Variants in SLC4A4 observed in about 807,000 individuals in gnomAD.
SLC4A4 encodes solute carrier family 4 member 4.
Under a neutral mutation model 111.5 loss-of-function variants are expected in SLC4A4, and 27 were observed. That is an observed-to-expected ratio of 0.24 (90% CI 0.18 to 0.33). SLC4A4 has a LOEUF of 0.33. SLC4A4 is among the 10% of genes least tolerant of loss of function. SLC4A4 has a pLI of 1.00. For synonymous variants in SLC4A4, 443 were observed against 463.4 expected (o/e 0.96, Z 0.57); for missense variants, 909 against 1,315.5 (o/e 0.69, Z 4.78).
intron 1 of SLC4A4, among the ~76,000 whole-genome samples, chr4:71,203,842 A>G (rs1421555791): frequency 6.6e-6 from 1 of 152,194 alleles, no homozygotes; most frequent in Non-Finnish European, 1.5e-5. Context: ...CTTAAATGAT[A>G]ACTAGTTAGT....
At chr4:71,312,449 A>T (rs563999492) in intron 3 of SLC4A4, among the ~76,000 whole-genome samples, 1 of 152,270 alleles carries the variant, frequency 6.6e-6, no homozygotes, top group Admixed American at 6.5e-5. Context: ...TGATTCGAAA[A>T]CCTGGCAGAG....
chr4:71,280,872 A>G (rs1361311448), intron 3 of SLC4A4, among the ~76,000 whole-genome samples: 3 of 152,152 alleles, frequency 2.0e-5, no homozygotes, highest in Non-Finnish European at 2.9e-5. Flanking sequence ...TATTTTTAAC[A>G]TTTATTTTTC....
chr4:71,379,563 C>A (rs56852336), intron 6 of SLC4A4, among the ~76,000 whole-genome samples: 7,625 of 152,112 alleles, frequency 0.05, 419 homozygotes, highest in East Asian at 0.13. Flanking sequence ...CTCATAACCC[C>A]AACCCCCTTC....
At chr4:71,386,704 A>G (rs1718755657) in intron 6 of SLC4A4, among the ~76,000 whole-genome samples, 1 of 151,894 alleles carries the variant, frequency 6.6e-6, no homozygotes, top group Non-Finnish European at 1.5e-5. Context: ...TGTTTTGTGG[A>G]TACAGTATCT....
In SLC4A4 at chr4:71,555,181, G is replaced by A. The variant is rs1560617287; in HGVS notation, c.2736G>A (p.Met912Ile). 1.2e-6 allele frequency: 2 copies of A among 1,610,092 alleles called. No homozygotes were observed. The highest frequency in any genetic ancestry group is 2.2e-5 in the East Asian group (1 of 44,682). ...MPVLYGVFLY[M>I]GVASLNGVQF... ...TACTCTATGGTGTGTTCCTGTATAT[G>A]GGAGTAGCATCCCTTAATGGTGTGC... The change falls in exon 21 of 26, where the codon ATG (methionine) becomes ATA (isoleucine). Residue 912 changes from methionine (M) to isoleucine (I), a missense_variant. Transcript: ENST00000264485.
intron 2 of SLC4A4, among the ~76,000 whole-genome samples, chr4:71,173,354 C>A (rs114458157): frequency 0.018 from 2,677 of 152,104 alleles, 81 homozygotes; most frequent in African/African-American, 0.06. Flanking sequence ...GTGTGGATGT[C>A]CCCAACAATT....
chr4:71,065,058 TA>T (rs1000065069), intron 1 of SLC4A4, among the ~76,000 whole-genome samples: 2 of 152,186 alleles, frequency 1.3e-5, no homozygotes, highest in African/African-American at 4.8e-5. Flanking sequence ...AACCTTTGAA[TA>T]TTTTTTGAAT....
chr4:71,282,437 C>T (rs1723596373), intron 3 of SLC4A4, among the ~76,000 whole-genome samples: 1 of 151,934 alleles, frequency 6.6e-6, no homozygotes, highest in Non-Finnish European at 1.5e-5. Context: ...AGGCATGCTC[C>T]ACCATGCCCG....
chr4:71,535,502 G>A (rs1158679478), intron 18 of SLC4A4, among the ~76,000 whole-genome samples: 4 of 152,132 alleles, frequency 2.6e-5, no homozygotes, highest in Admixed American at 2.0e-4. Flanking sequence ...GAGTTTGGAA[G>A]GAGAGAAAGC....
At chr4:71,158,975 C>T (rs1019593654) in intron 2 of SLC4A4, among the ~76,000 whole-genome samples, 17 of 152,056 alleles carry the variant, frequency 1.1e-4, no homozygotes, top group Admixed American at 5.9e-4. Context: ...GGGTGGATTT[C>T]GCAGTACTTC....
intron 2 of SLC4A4, among the ~76,000 whole-genome samples, chr4:71,149,790 T>C (rs2148971292): frequency 6.6e-6 from 1 of 152,288 alleles, no homozygotes; most frequent in Non-Finnish European, 1.5e-5. Context: ...GCTTTTCTGT[T>C]CTTATCACCA....
At chr4:71,291,737 C>T (rs536033038) in intron 3 of SLC4A4, among the ~76,000 whole-genome samples, 1 of 152,288 alleles carries the variant, frequency 6.6e-6, no homozygotes, top group East Asian at 1.9e-4. Flanking sequence ...ATGCAATTCT[C>T]AAGTTGTTAT....
chr4:71,116,868 G>C (rs888894558), intron 2 of SLC4A4, among the ~76,000 whole-genome samples: 1 of 152,008 alleles, frequency 6.6e-6, no homozygotes, highest in Non-Finnish European at 1.5e-5. Flanking sequence ...GCTTGAACCC[G>C]GGAGGCGGAG....
chr4:71,122,428 C>G (rs1033118378), intron 2 of SLC4A4, among the ~76,000 whole-genome samples: 2 of 151,826 alleles, frequency 1.3e-5, no homozygotes, highest in African/African-American at 4.8e-5. Context: ...TCAACAAAAT[C>G]TTGGAATCAG....
chr4:71,178,215 C>G (rs1160556844), intron 2 of SLC4A4, among the ~76,000 whole-genome samples: 2 of 151,756 alleles, frequency 1.3e-5, no homozygotes, highest in African/African-American at 4.8e-5. Flanking sequence ...TAAATGCCCA[C>G]TAGAGAAAGC....
At chr4:71,368,543 T>G (rs1411025878) in intron 6 of SLC4A4, among the ~76,000 whole-genome samples, 2 of 152,198 alleles carry the variant, frequency 1.3e-5, no homozygotes, top group Non-Finnish European at 2.9e-5. Context: ...CTTTCTCCAT[T>G]TGTGCATAAG....
rs569489463 is a variant in SLC4A4, at chr4:71,094,061, G to GA, written c.-2+1276dup. 6.6e-5 allele frequency among the ~76,000 whole-genome samples: 10 copies of GA among 152,082 alleles called. No homozygotes were observed. In the South Asian group the frequency reaches 1.0e-3, roughly 16 times the overall value. ...GGGCTGGTAACCCTGTCCTCTGTGG[G>GA]AAAAAAATCTAAAATATGTCCCTTA... On this transcript the variant is annotated intron_variant, in intron 2 of 26. Coordinates refer to the SLC4A4 transcript ENST00000649996.
At position 71,469,370 on chromosome 4, in the gene SLC4A4, A is replaced by G. The variant is rs191539263; in HGVS notation, c.1631+2793A>G. 2.0e-5 allele frequency among the ~76,000 whole-genome samples: 3 copies of G among 151,790 alleles called. No homozygotes were observed. In the East Asian group the frequency reaches 5.9e-4, roughly 30 times the overall value. On this transcript the variant is annotated intron_variant, in intron 13 of 25. Coordinates refer to ENST00000264485, the MANE Select transcript of SLC4A4 (RefSeq NM_001098484.3). ...ATTCGTCCATGATATTACCGGATGT[A>G]TTTTTTTAGGGAGTTTATATTTATT...
Position 71,447,659 on chromosome 4 carries a change from C to T in SLC4A4, c.979C>T (p.Leu327Phe). The change falls in exon 9 of 26, where the codon CTC (leucine) becomes TTC (phenylalanine). Residue 327 changes from leucine (L) to phenylalanine (F), a missense_variant. Physicochemically the swap from Leu to Phe is conservative, Grantham distance 22. This residue lies in a region of SLC4A4 where 312 missense variants were observed against 402.0 expected (regional missense o/e 0.78). Coordinates refer to ENST00000264485, the MANE Select transcript of SLC4A4 (RefSeq NM_001098484.3). ...VPVPTRFLFI[L>F]LGPKGKAKSY... is the part of the protein sequence containing the mutation. Reference sequence around the variant, plus strand: ...CTTTTCCATTAGGTTCTTGTTCATTCTCTTAGGTCCTAAGGGGAAAGCCAA... The same window carrying T: ...CTTTTCCATTAGGTTCTTGTTCATTTTCTTAGGTCCTAAGGGGAAAGCCAA... 3 of 1,609,882 alleles carry T rather than the reference C, an allele frequency of 1.9e-6. No homozygotes were observed. The highest frequency in any genetic ancestry group is 1.7e-6 in the Non-Finnish European group (2 of 1,176,420).
Sources: gnomAD v4.1 joint callset for allele counts (sites outside exome capture counted in the v4.1 genomes callset) on GRCh38, gnomAD v4.1.1 for gene constraint, gnomAD v4.1.1 regional missense constraint, MANE v1.5 for transcripts, NCBI Gene and HGNC (gene_info 2026-07-23, HGNC 2026-07-21) for gene names.